The following GRID1 variants were observed in gnomAD, a reference collection of about 807,000 sequenced individuals.
GRID1 encodes the protein glutamate ionotropic receptor delta type subunit 1.
A neutral mutation model predicts 98.0 loss-of-function variants in GRID1; 28 were observed. The ratio of observed to expected loss-of-function variants is 0.29; its 90% CI spans 0.21 to 0.39. GRID1 has a LOEUF of 0.39. Among genes scored for constraint, GRID1 ranks in the 10% least tolerant of loss-of-function variants. The pLI, the probability that GRID1 is intolerant of heterozygous loss-of-function variation, is 1.00. For synonymous variants in GRID1, 553 were observed against 538.5 expected (o/e 1.03, Z -0.37); for missense variants, 1,111 against 1,340.5 (o/e 0.83, Z 2.67).
chr10:85,797,713 A>G (rs1342519042), intron 8 of GRID1, among the ~76,000 whole-genome samples: 3 of 150,808 alleles, frequency 2.0e-5, no homozygotes, highest in Admixed American at 2.0e-4. Flanking sequence ...GGCCTCTCAG[A>G]GTGCTGGGAT....
At chr10:86,249,293 A>G (rs937847971) in intron 2 of GRID1, among the ~76,000 whole-genome samples, 2 of 152,154 alleles carry the variant, frequency 1.3e-5, no homozygotes, top group Admixed American at 6.5e-5. Flanking sequence ...AGGGCTTGGC[A>G]TTTGGCCACC....
intron 4 of GRID1, among the ~76,000 whole-genome samples, chr10:86,100,182 C>A (rs1359611148): frequency 6.6e-6 from 1 of 152,172 alleles, no homozygotes; most frequent in Non-Finnish European, 1.5e-5. Context: ...GCTTCAAAGG[C>A]TTATTGTGCA....
At chr10:85,612,359 C>T (rs959942105) in intron 15 of GRID1, among the ~76,000 whole-genome samples, 2 of 152,168 alleles carry the variant, frequency 1.3e-5, no homozygotes, top group African/African-American at 4.8e-5. Context: ...CTTTCCTGTC[C>T]CAGTTTATTT....
chr10:86,138,338 G>A (rs1844959249), intron 4 of GRID1, among the ~76,000 whole-genome samples: 1 of 152,106 alleles, frequency 6.6e-6, no homozygotes, highest in Non-Finnish European at 1.5e-5. Flanking sequence ...CTGATTATTA[G>A]CCCAAGTGCC....
At chr10:86,325,161 A>C (rs563305065) in intron 2 of GRID1, among the ~76,000 whole-genome samples, 73 of 151,818 alleles carry the variant, frequency 4.8e-4, no homozygotes, top group African/African-American at 1.6e-3. Context: ...GCAAAAAATA[A>C]TATGAAAGAT....
intron 8 of GRID1, among the ~76,000 whole-genome samples, chr10:85,834,039 G>A (rs1303242711): frequency 6.6e-6 from 1 of 152,158 alleles, no homozygotes; most frequent in African/African-American, 2.4e-5. Context: ...ATTCCAGAAA[G>A]CGAAGAGAAA....
rs1842557636 is a variant in GRID1, at chr10:85,600,373, G to A, written c.*1900C>T. The A allele has an allele frequency of 6.6e-6, 1 of 152,170 alleles. No individual in the cohort carries two copies. Among genetic ancestry groups the A allele is most frequent in the Non-Finnish European group, 1.5e-5 (1 of 68,044 alleles). 9.4% of individuals were successfully genotyped at this position (152,170 alleles called of 1,614,324 possible). A position where few individuals can be genotyped will look rare whatever the true frequency, so the allele number is the denominator to read the frequency against. ...AATTATAAACACTCTCTTCCCCACA[G>A]TGCTTTTAGCTGACTGTGTGATTTG... On this transcript the variant is annotated 3_prime_UTR_variant, in exon 16 of 16. Coordinates refer to ENST00000327946, the MANE Select transcript of GRID1 (RefSeq NM_017551.3).
At chr10:85,799,948 A>G (rs1006509335) in intron 8 of GRID1, among the ~76,000 whole-genome samples, 7 of 152,150 alleles carry the variant, frequency 4.6e-5, no homozygotes, top group Non-Finnish European at 7.4e-5. Context: ...TATACAATGT[A>G]TATATGTATC....
chr10:86,131,187 T>C (rs1226628443), intron 4 of GRID1, among the ~76,000 whole-genome samples: 1 of 151,632 alleles, frequency 6.6e-6, no homozygotes, highest in Admixed American at 6.6e-5. Flanking sequence ...TCCCCCTGCA[T>C]CCCACCACGT....
intron 4 of GRID1, among the ~76,000 whole-genome samples, chr10:85,939,436 T>C (rs1841969496): frequency 1.3e-5 from 2 of 152,226 alleles, no homozygotes; most frequent in African/African-American, 4.8e-5. Flanking sequence ...AATCAAGGTG[T>C]TGACAGGGCT....
intron 5 of GRID1, among the ~76,000 whole-genome samples, chr10:85,899,509 C>T (rs1841348759): frequency 6.6e-6 from 1 of 152,144 alleles, no homozygotes; most frequent in Non-Finnish European, 1.5e-5. Flanking sequence ...TTTGCATATC[C>T]TTCAGGAGGG....
intron 8 of GRID1, among the ~76,000 whole-genome samples, chr10:85,822,630 C>T (rs1015927166): frequency 3.3e-5 from 5 of 152,262 alleles, no homozygotes; most frequent in African/African-American, 9.6e-5. Flanking sequence ...GTCGGTGTGG[C>T]GATTCCTCAG....
At chr10:85,799,921 T>A (rs1240371558) in intron 8 of GRID1, among the ~76,000 whole-genome samples, 1 of 152,104 alleles carries the variant, frequency 6.6e-6, no homozygotes, top group Non-Finnish European at 1.5e-5. Flanking sequence ...ATATGCTAAT[T>A]ATGCTGATTT....
intron 12 of GRID1, among the ~76,000 whole-genome samples, chr10:85,685,995 C>T (rs983546302): frequency 6.6e-6 from 1 of 151,636 alleles, no homozygotes; most frequent in Non-Finnish European, 1.5e-5. Context: ...ATAGAAAAAC[C>T]CATCGCATAA....
At chr10:85,714,485 T>A (rs1198742156) in intron 12 of GRID1, among the ~76,000 whole-genome samples, 1 of 152,002 alleles carries the variant, frequency 6.6e-6, no homozygotes, top group Non-Finnish European at 1.5e-5. Flanking sequence ...GATGACGTGA[T>A]CTATAAAGAA....
intron 4 of GRID1, among the ~76,000 whole-genome samples, chr10:86,009,258 A>G (rs1842898975): frequency 6.6e-6 from 1 of 152,172 alleles, no homozygotes; most frequent in Non-Finnish European, 1.5e-5. Flanking sequence ...TTTTTTTAAC[A>G]GCAAGCCCCT....
intron 4 of GRID1, among the ~76,000 whole-genome samples, chr10:86,134,128 G>T (rs1844879433): frequency 6.6e-6 from 1 of 152,248 alleles, no homozygotes; most frequent in South Asian, 2.1e-4. Flanking sequence ...GGCCTTAGTG[G>T]ATGACAGCCC....
At chr10:85,950,880 T>C (rs762467393) in intron 4 of GRID1, among the ~76,000 whole-genome samples, 1 of 152,208 alleles carries the variant, frequency 6.6e-6, no homozygotes, top group Non-Finnish European at 1.5e-5. Flanking sequence ...GCACTGTCAC[T>C]GATCATTCAA....
At chr10:85,647,605 G>A in intron 12 of GRID1, 2 of 560,994 alleles carry the variant, frequency 3.6e-6, no homozygotes, top group Admixed American at 3.0e-5. Flanking sequence ...TTTTCTCAGT[G>A]CAGATTAATT....
Sources: allele counts gnomAD v4.1 joint callset (sites outside exome capture counted in the v4.1 genomes callset), GRCh38; gene constraint gnomAD v4.1.1; transcripts MANE v1.5; gene names NCBI Gene and HGNC (gene_info 2026-07-23, HGNC 2026-07-21).